Variants in PPP6C observed in about 807,000 individuals in gnomAD.
PPP6C encodes serine/threonine-protein phosphatase 6 catalytic subunit.
Under a neutral mutation model 39.8 loss-of-function variants are expected in PPP6C, and 11 were observed. That is an observed-to-expected ratio of 0.28 (90% confidence interval 0.17 to 0.46). The LOEUF (loss-of-function observed/expected upper bound fraction) is 0.46, where lower values mean the gene tolerates loss of function less well. PPP6C is among the 20% of genes least tolerant of loss of function. The pLI is 1.00. For synonymous variants in PPP6C, 129 were observed against 130.3 expected (o/e 0.99, Z 0.07); for missense variants, 211 against 373.9 (o/e 0.56, Z 3.59).
chr9:125,187,254 C>T (rs1363098331), intron 1 of PPP6C, among the ~76,000 whole-genome samples: 1 of 151,474 alleles, frequency 6.6e-6, no homozygotes, highest in Non-Finnish European at 1.5e-5. Flanking sequence ...GCCAGATTAT[C>T]TTTCAAATCA....
intron 2 of PPP6C, among the ~76,000 whole-genome samples, chr9:125,161,786 A>AT (rs1828881395): frequency 6.6e-6 from 1 of 152,186 alleles, no homozygotes; most frequent in Non-Finnish European, 1.5e-5. Flanking sequence ...CAAATTGTGC[A>AT]TTTGTCAAAT....
chr9:125,169,507 G>C (rs535893873), intron 2 of PPP6C, among the ~76,000 whole-genome samples: 1 of 152,120 alleles, frequency 6.6e-6, no homozygotes, highest in Non-Finnish European at 1.5e-5. Flanking sequence ...ACATGACTTG[G>C]TTTATTCCAG....
chr9:125,167,367 C>T (rs1457804255), intron 2 of PPP6C, among the ~76,000 whole-genome samples: 12 of 107,630 alleles, frequency 1.1e-4, no homozygotes, highest in African/African-American at 2.7e-4. Flanking sequence ...GGTGACAGAG[C>T]GAGACCCTGT....
chr9:125,178,781 C>T (rs1387152968), intron 1 of PPP6C, among the ~76,000 whole-genome samples: 2 of 152,312 alleles, frequency 1.3e-5, no homozygotes, highest in Non-Finnish European at 2.9e-5. Flanking sequence ...CTTAGCCCTC[C>T]TGCAGCCAGC....
chr9:125,153,663 T>C lies in PPP6C; in HGVS notation c.539A>G (p.Glu180Gly). Residue 180 changes from glutamate (E) to glycine (G), a missense_variant, in exon 6 of 7, where the codon GAA (glutamate) becomes GGA (glycine). By Grantham distance (98) the Glu-to-Gly change is moderately conservative (BLOSUM62 -2). Around this residue, in one of 2 missense-constraint regions of PPP6C, gnomAD observed 168 missense variants for 342.6 expected, o/e 0.49. Transcript: ENST00000373547. ...IKTLDQIRTI[E>G]RNQEIPHKGA... The stretch of plus-strand genomic sequence containing the variant: ...TTTATGAGGAATTTCCTGATTCCGT[T>C]CGATGGTTCGAATTTGATCCAGTGT... 2 of 1,614,206 alleles carry C rather than the reference T, an allele frequency of 1.2e-6. No individual in the cohort carries two copies. Among genetic ancestry groups the C allele is most frequent in the Non-Finnish European group, 1.7e-6 (2 of 1,180,026 alleles).
intron 1 of PPP6C, 65 bp downstream of exon 1, chr9:125,189,579 G>C (rs369770607): frequency 3.7e-5 from 59 of 1,607,084 alleles, no homozygotes; most frequent in Non-Finnish European, 5.0e-5. Context: ...GGGTCCTGGA[G>C]AAAGGAAGGG....
At chr9:125,169,834 C>T (rs1478672716) in intron 2 of PPP6C, among the ~76,000 whole-genome samples, 1 of 152,150 alleles carries the variant, frequency 6.6e-6, no homozygotes, top group Non-Finnish European at 1.5e-5. Flanking sequence ...GAGGTGATGA[C>T]ATGCAAGTGT....
chr9:125,179,655 C>CT (rs56221170), intron 1 of PPP6C, among the ~76,000 whole-genome samples: 4,005 of 132,380 alleles, frequency 0.03, 148 homozygotes, highest in African/African-American at 0.082. Context: ...TTCTCTCTCT[C>CT]TTTTTTTTTT....
chr9:125,189,759 T>A lies in PPP6C; in HGVS notation c.-41A>T, dbSNP rs771844666. ...CCGCGGCAACAGCGGCGGCGGCGGC[T>A]GTAGCAGCGGCGGCGGCAGCGGCGG... On this transcript the variant is annotated 5_prime_UTR_variant, in exon 1 of 7. Transcript: ENST00000373547. 2 of 1,545,518 alleles carry A rather than the reference T, an allele frequency of 1.3e-6. No homozygotes were observed. Among genetic ancestry groups the A allele is most frequent in the Non-Finnish European group, 1.7e-6 (2 of 1,147,116 alleles).
chr9:125,149,877 T>C lies in PPP6C; in HGVS notation c.714A>G (p.Gln238=), dbSNP rs200973884. Residue 238 remains glutamine, a synonymous_variant, in exon 7 of 7, where the codon CAA becomes CAG. Coordinates refer to ENST00000373547, the MANE Select transcript of PPP6C (RefSeq NM_002721.5). ...NNLKLICRAH[Q]LVHEGYKFMF... is the part of the protein sequence containing the mutation. ...TAAATTTATAGCCTTCGTGCACTAG[T>C]TGATGTGCTCTGCAGATGAGTTTTA... 2 of 1,614,014 alleles carry C rather than the reference T, an allele frequency of 1.2e-6. No individual in the cohort carries two copies. The highest frequency in any genetic ancestry group is 1.7e-6 in the Non-Finnish European group (2 of 1,180,006).
rs1307179998 is a variant in PPP6C at position 125,164,216 on chromosome 9, C to CTTT, written c.172-3311_172-3310insAAA. Among the ~76,000 whole-genome samples, 124 of 119,788 alleles carry CTTT rather than the reference C, an allele frequency of 1.0e-3. 11 individuals carry two copies. Among genetic ancestry groups the CTTT allele is most frequent in the East Asian group, 1.4e-3 (5 of 3,482 alleles). 78.6% of individuals were successfully genotyped at this position (119,788 alleles called of 152,430 possible). A position where few individuals can be genotyped will look rare whatever the true frequency, so the allele number is the denominator to read the frequency against. ...ATCTACTCTATGTCTCTCCCTCACT[C>CTTT]TCTTTTTTTTTTTTTTTTTTTTTTT... is the stretch of plus-strand genomic sequence containing the variant. On this transcript the variant is annotated intron_variant, in intron 2 of 6. Transcript: ENST00000373547.
chr9:125,165,027 G>A (rs530501678), intron 2 of PPP6C, among the ~76,000 whole-genome samples: 51 of 151,756 alleles, frequency 3.4e-4, no homozygotes, highest in Admixed American at 5.9e-4. Context: ...GTGAGCCACC[G>A]CGCCCGGCTG....
chr9:125,187,749 G>A (rs1268324374), intron 1 of PPP6C, among the ~76,000 whole-genome samples: 1 of 151,806 alleles, frequency 6.6e-6, no homozygotes, highest in African/African-American at 2.4e-5. Flanking sequence ...TCCATGAATT[G>A]GGTCCCAATG....
At chr9:125,158,435 T>G (rs1193628961) in intron 3 of PPP6C, 53 bp from the exon 4 acceptor site, 1 of 1,534,668 alleles carries the variant, frequency 6.5e-7, no homozygotes, top group Non-Finnish European at 8.9e-7. Context: ...CAATATTCTT[T>G]TCAAATTATA....
intron 1 of PPP6C, among the ~76,000 whole-genome samples, chr9:125,186,055 T>C (rs1829524643): frequency 6.6e-6 from 1 of 152,144 alleles, no homozygotes; most frequent in African/African-American, 2.4e-5. Context: ...ACAGAAATTG[T>C]GATTAAATCT....
At chr9:125,182,542 A>T (rs1829440563) in intron 1 of PPP6C, among the ~76,000 whole-genome samples, 1 of 151,986 alleles carries the variant, frequency 6.6e-6, no homozygotes, top group Middle Eastern at 3.2e-3. Flanking sequence ...CAGTCTTTAT[A>T]TAAAGTCTCT....
chr9:125,150,190 TTG>T (rs1395117437), intron 6 of PPP6C, among the ~76,000 whole-genome samples: 1 of 152,194 alleles, frequency 6.6e-6, no homozygotes, highest in Non-Finnish European at 1.5e-5. Context: ...AAACAAAATT[TTG>T]TGTTTTCTGA....
chr9:125,149,590 A>G lies in PPP6C; in HGVS notation c.*83T>C. 7 of 1,427,626 alleles carry G rather than the reference A, an allele frequency of 4.9e-6. No individual in the cohort carries two copies. In the South Asian group the frequency reaches 1.1e-4, roughly 22 times the overall value. 88.4% of individuals were successfully genotyped at this position (1,427,626 alleles called of 1,614,324 possible). On this transcript the variant is annotated 3_prime_UTR_variant, in exon 7 of 7. Transcript: ENST00000373547. ...GCATTTCAGCAGCAAAGTGCTCAAT[A>G]AAAAGTATATTGTAGAGGGTAATAC...
chr9:125,151,825 G>A (rs1835954660), intron 6 of PPP6C, among the ~76,000 whole-genome samples: 1 of 152,220 alleles, frequency 6.6e-6, no homozygotes, highest in African/African-American at 2.4e-5. Flanking sequence ...TGTGAGCCTT[G>A]CAGCTTTAAC....
Sources: gnomAD v4.1 joint callset for allele counts (sites outside exome capture counted in the v4.1 genomes callset) on GRCh38, gnomAD v4.1.1 for gene constraint, gnomAD v4.1.1 regional missense constraint, MANE v1.5 for transcripts, NCBI Gene and HGNC (gene_info 2026-07-23, HGNC 2026-07-21) for gene names.